Variants in R3HDM2 observed in about 807,000 individuals in gnomAD.
The protein encoded by R3HDM2 is R3H domain-containing protein 2.
In R3HDM2, 38 loss-of-function variants were observed where a neutral mutation model predicts 124.5. The observed-to-expected ratio is 0.31, with a 90% confidence interval of 0.24 to 0.40. The LOEUF is 0.40. Among genes scored for constraint, R3HDM2 ranks in the 10% least tolerant of loss-of-function variants. R3HDM2 has a pLI of 1.00. For missense variants in R3HDM2, 869 were observed against 1,236.9 expected, an observed-to-expected ratio of 0.70 and a Z score of 4.46; for synonymous variants, 391 against 448.0, an observed-to-expected ratio of 0.87 and a Z score of 1.61.
chr12:57,300,608 T>C (rs1372308379), intron 4 of R3HDM2, among the ~76,000 whole-genome samples: 1 of 152,236 alleles, frequency 6.6e-6, no homozygotes, highest in East Asian at 1.9e-4. Context: ...GCAAATTACC[T>C]GACCTCTCCA....
chr12:57,264,068 G>A (rs1378750930), intron 19 of R3HDM2, among the ~76,000 whole-genome samples: 3 of 151,470 alleles, frequency 2.0e-5, no homozygotes, highest in Admixed American at 2.0e-4. Flanking sequence ...CATGGTGAAC[G>A]CCGTCTCTAC....
chr12:57,347,965 G>A (rs552343761), intron 2 of R3HDM2, among the ~76,000 whole-genome samples: 2 of 152,096 alleles, frequency 1.3e-5, no homozygotes, highest in East Asian at 3.9e-4. Context: ...AGGTGACAGA[G>A]CAAGACCCTG....
chr12:57,394,346 T>C (rs2067175816), intron 2 of R3HDM2, among the ~76,000 whole-genome samples: 1 of 151,102 alleles, frequency 6.6e-6, no homozygotes, highest in African/African-American at 2.4e-5. Flanking sequence ...TGGTGGCTCA[T>C]GCCTGTAATC....
chr12:57,295,419 T>C lies in R3HDM2; in HGVS notation c.790A>G (p.Met264Val), dbSNP rs2049567938. ...RFILKRDDAS[M>V]DRDDNQIRVP... Reference sequence around the variant, plus strand: ...TTCACCTGGTTATCATCTCGGTCCATACTGGCATCATCTCTCTTGAGAATG... The same window carrying C: ...TTCACCTGGTTATCATCTCGGTCCACACTGGCATCATCTCTCTTGAGAATG... Residue 264 changes from methionine to valine, a missense_variant, in exon 10 of 24, where the codon ATG becomes GTG. Transcript: ENST00000402412. 1 of 1,551,164 alleles carries C rather than the reference T, an allele frequency of 6.4e-7. No homozygotes were observed. The highest frequency in any genetic ancestry group is 1.4e-5 in the African/African-American group (1 of 73,044).
intron 2 of R3HDM2, among the ~76,000 whole-genome samples, chr12:57,354,228 G>A (rs1478165844): frequency 1.3e-5 from 2 of 151,816 alleles, no homozygotes; most frequent in East Asian, 1.9e-4. Flanking sequence ...TCAGTAACAT[G>A]AGAATTCTAA....
chr12:57,420,882 T>C (rs1201961801), intron 1 of R3HDM2, among the ~76,000 whole-genome samples: 1 of 152,180 alleles, frequency 6.6e-6, no homozygotes, highest in Non-Finnish European at 1.5e-5. Context: ...TCTCTGACTC[T>C]GGACTGGTAT....
In R3HDM2 at chr12:57,296,471, T is replaced by C. The variant is rs1227432284; in HGVS notation, c.641A>G (p.Asp214Gly). ...LHRVAAYFGM[D>G]HNVDQTGKAV... ...TTTCCCAGTTTGATCAACATTGTGG[T>C]CCATCCCAAAATAGGCAGCTACCCG... The change falls in exon 9 of 24, where the codon GAC becomes GGC. Residue 214 changes from aspartate to glycine, a missense_variant. Asp to Gly is a moderately conservative substitution (Grantham distance 94). Around this residue, in one of 2 missense-constraint regions of R3HDM2, gnomAD observed 267 missense variants for 447.7 expected, o/e 0.60. Coordinates refer to ENST00000402412, the MANE Select transcript of R3HDM2 (RefSeq NM_001394031.1). The surrounding 1 kb of genome is among the most constrained non-coding windows in gnomAD (Gnocchi z 4.5). The C allele has an allele frequency of 6.4e-7, 1 of 1,552,174 alleles. No homozygotes were observed. Among genetic ancestry groups the C allele is most frequent in the Non-Finnish European group, 8.7e-7 (1 of 1,147,108 alleles).
chr12:57,294,594 T>C (rs929828312), intron 10 of R3HDM2, among the ~76,000 whole-genome samples: 1 of 152,118 alleles, frequency 6.6e-6, no homozygotes, highest in Admixed American at 6.6e-5. Context: ...ATTATAGTTA[T>C]TAATTAGCAA....
intron 2 of R3HDM2, among the ~76,000 whole-genome samples, chr12:57,384,385 A>G (rs970128817): frequency 8.5e-5 from 13 of 152,062 alleles, no homozygotes; most frequent in Non-Finnish European, 1.3e-4. Context: ...AAGTAGGGAA[A>G]CAAGCCTATG....
At chr12:57,348,693 C>CAAAAAAAAAAAAA (rs1168127324) in intron 2 of R3HDM2, among the ~76,000 whole-genome samples, 19 of 25,148 alleles carry the variant, frequency 7.6e-4, no homozygotes, top group African/African-American at 3.0e-3. Context: ...GACTCCGTCT[C>CAAAAAAAAAAAAA]AAAAAAAAAA....
intron 2 of R3HDM2, among the ~76,000 whole-genome samples, chr12:57,334,140 C>A (rs1000800360): frequency 6.6e-6 from 1 of 152,196 alleles, no homozygotes; most frequent in African/African-American, 2.4e-5. Flanking sequence ...ACAAGCCCAA[C>A]TGGCTGCAGT....
chr12:57,384,703 C>T (rs2065444077), intron 2 of R3HDM2, among the ~76,000 whole-genome samples: 3 of 152,016 alleles, frequency 2.0e-5, no homozygotes, highest in Admixed American at 2.0e-4. Context: ...GTCTTACATA[C>T]TAATAAAGCT....
At chr12:57,373,228 C>T (rs945044844) in intron 2 of R3HDM2, among the ~76,000 whole-genome samples, 2 of 151,996 alleles carry the variant, frequency 1.3e-5, no homozygotes, top group East Asian at 1.9e-4. Context: ...AAGCCGGGCG[C>T]GGTGGCTCAC....
Position 57,254,526 on chromosome 12 carries a change from A to ATT in R3HDM2, c.*246_*247insAA. 1 of 436,524 alleles carries ATT rather than the reference A, an allele frequency of 2.3e-6. No homozygotes were observed. Among genetic ancestry groups the ATT allele is most frequent in the Non-Finnish European group, 4.0e-6 (1 of 248,738 alleles). The allele number at this position is 436,524 out of a possible 1,614,324, so 27.0% of individuals were successfully genotyped here. ...CAAAAAAAAAAAAAAAAAAAAAAAG[A>ATT]AGAGGATGGGAAGAAGAGTGATGCA... is the stretch of plus-strand genomic sequence containing the variant. On this transcript the variant is annotated 3_prime_UTR_variant, in exon 24 of 24. Coordinates refer to ENST00000402412, the MANE Select transcript of R3HDM2 (RefSeq NM_001394031.1).
intron 2 of R3HDM2, among the ~76,000 whole-genome samples, chr12:57,364,314 A>AT (rs2062340457): frequency 6.6e-6 from 1 of 151,558 alleles, no homozygotes; most frequent in Non-Finnish European, 1.5e-5. Flanking sequence ...TGCCTGGCTA[A>AT]TTTTTTTGCA....
intron 2 of R3HDM2, among the ~76,000 whole-genome samples, chr12:57,315,867 CAG>C (rs1164414434): frequency 6.6e-6 from 1 of 152,230 alleles, no homozygotes; most frequent in Non-Finnish European, 1.5e-5. Flanking sequence ...CGCCTACAGT[CAG>C]AGCACTTTGG....
chr12:57,365,044 C>T (rs1361241124), intron 2 of R3HDM2, among the ~76,000 whole-genome samples: 1 of 151,258 alleles, frequency 6.6e-6, no homozygotes, highest in Non-Finnish European at 1.5e-5. Context: ...AGGTGGATCA[C>T]CTGAGGTCAG....
intron 2 of R3HDM2, among the ~76,000 whole-genome samples, chr12:57,345,512 C>T (rs1244453545): frequency 2.2e-5 from 2 of 92,008 alleles, no homozygotes; most frequent in African/African-American, 3.7e-5. Context: ...CACACACACA[C>T]ACACACACAC....
intron 21 of R3HDM2, among the ~76,000 whole-genome samples, chr12:57,256,742 C>T (rs2039124528): frequency 6.6e-6 from 1 of 152,146 alleles, no homozygotes; most frequent in African/African-American, 2.4e-5. Flanking sequence ...TGAAGAAAGG[C>T]TCTATCCACT....
Sources: gnomAD v4.1 joint callset for allele counts (sites outside exome capture counted in the v4.1 genomes callset) on GRCh38, gnomAD v4.1.1 for gene constraint, gnomAD v4.1.1 regional missense constraint, Gnocchi (gnomAD v3.1) non-coding constraint, MANE v1.5 for transcripts, NCBI Gene and HGNC (gene_info 2026-07-23, HGNC 2026-07-21) for gene names.